SGO2: variants seen among roughly 807,000 people sequenced by gnomAD.
The protein encoded by SGO2 is shugoshin-like 2.
Under a neutral mutation model 99.5 loss-of-function variants are expected in SGO2, and 68 were observed. That is an observed-to-expected ratio of 0.68 (90% CI 0.56 to 0.84). The LOEUF is 0.84. SGO2 is among the 40% of genes least tolerant of loss of function. SGO2 has a pLI of 0.00. For missense variants in SGO2, 1,350 were observed against 1,436.7 expected (o/e 0.94, Z 0.97); for synonymous variants, 457 against 487.1 (o/e 0.94, Z 0.81).
intron 5 of SGO2, 60 bp from the exon 6 acceptor site, chr2:200,569,603 T>A (rs1214412395): frequency 2.4e-6 from 3 of 1,256,444 alleles, no homozygotes; most frequent in Non-Finnish European, 3.3e-6. Context: ...TAACTGCCCA[T>A]GCATTTAAAG....
intron 1 of SGO2, among the ~76,000 whole-genome samples, chr2:200,529,921 A>C (rs758000086): frequency 2.0e-5 from 3 of 152,256 alleles, no homozygotes; most frequent in Non-Finnish European, 4.4e-5. Flanking sequence ...ATCTGGAGGA[A>C]GATGTTTCTA....
intron 5 of SGO2, among the ~76,000 whole-genome samples, chr2:200,566,349 T>A (rs1169261815): frequency 6.6e-6 from 1 of 152,204 alleles, no homozygotes; most frequent in Non-Finnish European, 1.5e-5. Flanking sequence ...CAGACCCTGT[T>A]TGCCTGGGTA....
At chr2:200,556,506 T>C (rs1381160048) in intron 5 of SGO2, among the ~76,000 whole-genome samples, 1 of 151,952 alleles carries the variant, frequency 6.6e-6, no homozygotes, top group Non-Finnish European at 1.5e-5. Context: ...AGATCTAGAA[T>C]CTCCAAAGGT....
chr2:200,572,952 T>G lies in SGO2; in HGVS notation c.2606T>G (p.Ile869Ser). The G allele has an allele frequency of 6.3e-7, 1 of 1,595,300 alleles. No homozygotes were observed. The highest frequency in any genetic ancestry group is 8.5e-7 in the Non-Finnish European group (1 of 1,173,988). Residue 869 changes from isoleucine (I) to serine (S), a missense_variant, in exon 7 of 9, where the codon ATC becomes AGC. Coordinates refer to ENST00000357799, the MANE Select transcript of SGO2 (RefSeq NM_152524.6). ...TNEFQTVDLLIKDNGNLCDYD... is the reference protein window; with the variant it reads ...TNEFQTVDLLSKDNGNLCDYD... ...GAATTTCAAACAGTTGATCTTCTCATCAAAGATAATGGAAATTTATGTGAT... is the reference window on the plus strand; with the variant it reads ...GAATTTCAAACAGTTGATCTTCTCAGCAAAGATAATGGAAATTTATGTGAT...
chr2:200,558,777 TCTTGTGGAAAAGG>T (rs2032822259), intron 5 of SGO2, among the ~76,000 whole-genome samples: 1 of 151,746 alleles, frequency 6.6e-6, no homozygotes, highest in Non-Finnish European at 1.5e-5. Flanking sequence ...CTTGCAGTTT[TCTTGTGGAAAAGG>T]TTTTGGTAAC....
chr2:200,548,018 G>C (rs1402710064), intron 5 of SGO2, among the ~76,000 whole-genome samples: 1 of 150,528 alleles, frequency 6.6e-6, no homozygotes, highest in African/African-American at 2.5e-5. Flanking sequence ...GATGTAAAGG[G>C]AGAGAGAGAC....
Position 200,569,816 on chromosome 2 carries a change from T to A in SGO2, c.627T>A (p.Leu209=). The change falls in exon 6 of 9, where the codon CTT becomes CTA. Residue 209 remains leucine, a synonymous_variant. Transcript: ENST00000357799. ...STQDNSEVLF[L]KENNQNVYGL... ...AGGATAATTCGGAAGTGTTATTTCT[T>A]AAAGAAAATAATCAAAATGTATATG... The A allele has an allele frequency of 6.2e-7, 1 of 1,608,426 alleles. No homozygotes were observed. The highest frequency in any genetic ancestry group is 1.1e-5 in the South Asian group (1 of 90,900).
At chr2:200,539,845 G>C (rs1242155576) in intron 4 of SGO2, among the ~76,000 whole-genome samples, 1 of 151,992 alleles carries the variant, frequency 6.6e-6, no homozygotes, top group Non-Finnish European at 1.5e-5. Flanking sequence ...CTGATGACAG[G>C]AATGTTTTAT....
intron 6 of SGO2, 44 bp from the exon 7 acceptor site, chr2:200,571,005 TA>T: frequency 6.7e-7 from 1 of 1,501,928 alleles, no homozygotes. Context: ...GTAACTTATT[TA>T]TTTCATTACT....
At chr2:200,576,904 C>T (rs1374662639) in intron 8 of SGO2, among the ~76,000 whole-genome samples, 2 of 152,112 alleles carry the variant, frequency 1.3e-5, no homozygotes, top group Non-Finnish European at 2.9e-5. Context: ...GATAATATTC[C>T]ATTGTGTAGA....
chr2:200,574,093 A>G (rs1574883865), intron 7 of SGO2, 116 bp downstream of exon 7: 5 of 719,074 alleles, frequency 7.0e-6, no homozygotes, highest in Non-Finnish European at 1.1e-5. Flanking sequence ...GAATTTAAAA[A>G]CAATATATAA....
At chr2:200,528,406 T>C (rs1388700303) in intron 1 of SGO2, among the ~76,000 whole-genome samples, 2 of 152,170 alleles carry the variant, frequency 1.3e-5, no homozygotes, top group Admixed American at 6.5e-5. Context: ...CCCAGGTGGA[T>C]ATATTGTGAA....
intron 5 of SGO2, among the ~76,000 whole-genome samples, chr2:200,548,403 G>A (rs7599165): frequency 0.79 from 120,737 of 151,966 alleles, 48,204 homozygotes; most frequent in Non-Finnish European, 0.83. Flanking sequence ...GAAGGAAATT[G>A]AAAATTTTCT....
At position 200,570,509 on chromosome 2, in the gene SGO2, T is replaced by TGTGTGTGG. The variant is rs1193727269; in HGVS notation, c.704-540_704-539insTGTGTGGG. Among the ~76,000 whole-genome samples the TGTGTGTGG allele has an allele frequency of 6.7e-6, 1 of 149,416 alleles. No individual in the cohort carries two copies. Among genetic ancestry groups the TGTGTGTGG allele is most frequent in the Non-Finnish European group, 1.5e-5 (1 of 67,228 alleles). On this transcript the variant is annotated intron_variant, in intron 6 of 8. Coordinates refer to ENST00000357799, the MANE Select transcript of SGO2 (RefSeq NM_152524.6). The surrounding 1 kb of genome is among the most constrained non-coding windows in gnomAD (Gnocchi z 4.4). The stretch of plus-strand genomic sequence containing the variant: ...GTGTGTGTGTGTGTGTGTGTGTGTG[T>TGTGTGTGG]GGGCATATGTATATGTATATAATAT...
chr2:200,555,880 T>C (rs763130985), intron 5 of SGO2, among the ~76,000 whole-genome samples: 2 of 152,172 alleles, frequency 1.3e-5, no homozygotes, highest in South Asian at 2.1e-4. Flanking sequence ...ATGAGGTAAA[T>C]AGGTTTTTCC....
At chr2:200,536,392 A>C (rs1489276264) in intron 4 of SGO2, among the ~76,000 whole-genome samples, 5 of 152,166 alleles carry the variant, frequency 3.3e-5, no homozygotes, top group Admixed American at 3.3e-4. Flanking sequence ...ACTGGCTCCT[A>C]AATGGACTCA....
chr2:200,530,337 T>G (rs908024555), intron 1 of SGO2, among the ~76,000 whole-genome samples: 25 of 152,138 alleles, frequency 1.6e-4, no homozygotes, highest in African/African-American at 6.0e-4. Flanking sequence ...ATTTTTGGCC[T>G]GAGCAACTGG....
In SGO2 at chr2:200,569,756, C is replaced by G; in HGVS notation, c.567C>G (p.Pro189=). 2.5e-6 allele frequency: 4 copies of G among 1,612,650 alleles called. No individual in the cohort carries two copies. Among genetic ancestry groups the G allele is most frequent in the African/African-American group, 1.3e-5 (1 of 74,998 alleles). ...NIKSKTLPDI[P]SSGSTTQPLS... ...AATCAAAGACATTACCTGATATTCC[C>G]TCTTCAGGATCAACAACACAACCTT... is the stretch of plus-strand genomic sequence containing the variant. The change falls in exon 6 of 9, where the codon CCC becomes CCG. Residue 189 remains proline (P), a synonymous_variant. Transcript: ENST00000357799.
At chr2:200,532,214 G>A (rs1165652650) in intron 1 of SGO2, 2 of 172,742 alleles carry the variant, frequency 1.2e-5, no homozygotes, top group African/African-American at 4.8e-5. Flanking sequence ...CTCAAGGCAG[G>A]TAGTGGTGGG....
Sources: allele counts gnomAD v4.1 joint callset (sites outside exome capture counted in the v4.1 genomes callset), GRCh38; gene constraint gnomAD v4.1.1; non-coding constraint Gnocchi (gnomAD v3.1); transcripts MANE v1.5; gene names NCBI Gene and HGNC (gene_info 2026-07-23, HGNC 2026-07-21).